Variants in CSMD1 observed in about 807,000 individuals in gnomAD.
CSMD1 encodes CUB and sushi domain-containing protein 1.
A neutral mutation model predicts 417.5 loss-of-function variants in CSMD1; 213 were observed. The observed-to-expected ratio is 0.51, with a 90% CI of 0.46 to 0.57. The LOEUF (loss-of-function observed/expected upper bound fraction) is 0.57, where lower values mean the gene tolerates loss of function less well. Ranked by LOEUF, CSMD1 falls within the 20% of genes least tolerant of loss-of-function variation. CSMD1 has a pLI of 0.00. For synonymous variants in CSMD1, 2,862 were observed against 1,736.8 expected (o/e 1.65, Z -16.11); for missense variants, 6,923 against 4,529.7 (o/e 1.53, Z -15.17).
intron 40 of CSMD1, among the ~76,000 whole-genome samples, chr8:3,147,378 G>C (rs1049750458): frequency 1.3e-5 from 2 of 152,146 alleles, no homozygotes; most frequent in African/African-American, 2.4e-5. Context: ...TAAGAATCTT[G>C]TGAAAACCTT....
chr8:2,976,773 C>T (rs530325174), intron 55 of CSMD1, among the ~76,000 whole-genome samples: 3 of 152,260 alleles, frequency 2.0e-5, no homozygotes, highest in African/African-American at 4.8e-5. Flanking sequence ...AATCTTCAGA[C>T]TATGATCTTA....
chr8:4,421,980 C>G (rs1797274464), intron 2 of CSMD1, among the ~76,000 whole-genome samples: 2 of 151,960 alleles, frequency 1.3e-5, no homozygotes, highest in African/African-American at 2.4e-5. Context: ...ACTATGAACT[C>G]AGAATTCATC....
At chr8:4,327,455 G>C (rs570838653) in intron 3 of CSMD1, among the ~76,000 whole-genome samples, 40 of 152,288 alleles carry the variant, frequency 2.6e-4, no homozygotes, top group African/African-American at 8.4e-4. Flanking sequence ...CAGCCTCCAG[G>C]TTGCTGCCTG....
At chr8:3,962,645 C>A (rs1812405998) in intron 5 of CSMD1, among the ~76,000 whole-genome samples, 1 of 152,098 alleles carries the variant, frequency 6.6e-6, no homozygotes, top group Non-Finnish European at 1.5e-5. Context: ...CATGGACATT[C>A]AATTGCAGTT....
chr8:4,415,790 C>G (rs993445396), intron 3 of CSMD1, among the ~76,000 whole-genome samples: 4 of 152,190 alleles, frequency 2.6e-5, no homozygotes, highest in Non-Finnish European at 5.9e-5. Context: ...TGTATGAGCA[C>G]ACGTGTTTAC....
chr8:3,637,247 C>G (rs1361100560), intron 7 of CSMD1, among the ~76,000 whole-genome samples: 1 of 152,108 alleles, frequency 6.6e-6, no homozygotes, highest in African/African-American at 2.4e-5. Flanking sequence ...TCAGAATAAT[C>G]CTTACCTAAA....
chr8:3,938,162 G>A (rs1433796385), intron 5 of CSMD1, among the ~76,000 whole-genome samples: 1 of 152,064 alleles, frequency 6.6e-6, no homozygotes, highest in Non-Finnish European at 1.5e-5. Context: ...TGGTAATTGT[G>A]TCAATAAAAG....
chr8:3,230,208 C>G lies in CSMD1; in HGVS notation c.4177G>C (p.Asp1393His). The G allele has an allele frequency of 6.2e-7, 1 of 1,602,012 alleles. No individual in the cohort carries two copies. Among genetic ancestry groups the G allele is most frequent in the Non-Finnish European group, 8.5e-7 (1 of 1,173,862 alleles). ...FSTSIAATCN[D>H]PGMPQNGTRY... ...GTGCCATTTTGGGGCATACCTGGAT[C>G]GTTACAGGTGGCTGCAATTGAGGCT... The change falls in exon 27 of 70, where the codon GAT (aspartate) becomes CAT (histidine). Residue 1393 changes from aspartate to histidine, a missense_variant. Asp to His is a moderately conservative substitution (Grantham distance 81, BLOSUM62 -1). Transcript: ENST00000635120.
At chr8:3,768,129 T>A (rs973897824) in intron 5 of CSMD1, among the ~76,000 whole-genome samples, 1 of 151,312 alleles carries the variant, frequency 6.6e-6, no homozygotes, top group African/African-American at 2.4e-5. Context: ...TCTTCAAAGA[T>A]AGCAGAGAGG....
chr8:3,101,663 G>T (rs879272891), intron 46 of CSMD1, among the ~76,000 whole-genome samples: 2 of 152,046 alleles, frequency 1.3e-5, no homozygotes, highest in Non-Finnish European at 2.9e-5. Flanking sequence ...CTGACCTTGT[G>T]ATCCGCTCCC....
At chr8:4,031,856 C>T (rs1217748889) in intron 4 of CSMD1, 49 bp downstream of exon 4, 3 of 1,408,242 alleles carry the variant, frequency 2.1e-6, no homozygotes, top group South Asian at 3.0e-5. Context: ...TCTCCAAAAC[C>T]ATTGCCCTGC....
chr8:4,278,806 A>G (rs1234505309), intron 3 of CSMD1, among the ~76,000 whole-genome samples: 1 of 152,334 alleles, frequency 6.6e-6, no homozygotes, highest in South Asian at 2.1e-4. Flanking sequence ...ATTTGTGTTT[A>G]TAAATTTGGC....
At chr8:3,922,906 T>A (rs1809375420) in intron 5 of CSMD1, among the ~76,000 whole-genome samples, 1 of 152,176 alleles carries the variant, frequency 6.6e-6, no homozygotes, top group South Asian at 2.1e-4. Context: ...CAACTGAACA[T>A]GAACACAAAT....
At chr8:3,734,853 C>T (rs1447583325) in intron 6 of CSMD1, among the ~76,000 whole-genome samples, 1 of 152,212 alleles carries the variant, frequency 6.6e-6, no homozygotes, top group Non-Finnish European at 1.5e-5. Context: ...GAAACTTCAT[C>T]TAATGCCGCT....
At chr8:4,967,586 T>C (rs1315495514) in intron 1 of CSMD1, among the ~76,000 whole-genome samples, 2 of 152,198 alleles carry the variant, frequency 1.3e-5, no homozygotes, top group Non-Finnish European at 2.9e-5. Flanking sequence ...CTATTTTTAA[T>C]TTTAACAGAG....
intron 2 of CSMD1, among the ~76,000 whole-genome samples, chr8:4,574,091 C>G (rs974276865): frequency 1.5e-4 from 23 of 152,110 alleles, no homozygotes; most frequent in Non-Finnish European, 2.6e-4. Flanking sequence ...AGCAAGACCA[C>G]TTGGCTCCCT....
At chr8:3,928,786 A>T (rs1006863769) in intron 5 of CSMD1, among the ~76,000 whole-genome samples, 1 of 35,684 alleles carries the variant, frequency 2.8e-5, no homozygotes, top group African/African-American at 1.1e-4. Flanking sequence ...CACCCCGCCC[A>T]CCCCCGGGCC....
chr8:3,805,942 C>T (rs995827576), intron 5 of CSMD1, among the ~76,000 whole-genome samples: 4 of 152,154 alleles, frequency 2.6e-5, no homozygotes, highest in Non-Finnish European at 5.9e-5. Context: ...CACACCTGCT[C>T]TTGAAAGGCT....
intron 3 of CSMD1, among the ~76,000 whole-genome samples, chr8:4,295,308 A>G (rs910021486): frequency 4.5e-4 from 50 of 111,856 alleles, no homozygotes; most frequent in African/African-American, 1.3e-3. Context: ...TTATCTATAT[A>G]ATCTTAAGAT....
Sources: allele counts gnomAD v4.1 joint callset (sites outside exome capture counted in the v4.1 genomes callset), GRCh38; gene constraint gnomAD v4.1.1; transcripts MANE v1.5; gene names NCBI Gene and HGNC (gene_info 2026-07-23, HGNC 2026-07-21).